Variants in SND1 observed in about 807,000 individuals in gnomAD.
SND1 encodes the protein staphylococcal nuclease domain-containing protein 1.
In SND1, 38 loss-of-function variants were observed where a neutral mutation model predicts 121.7. That is an observed-to-expected ratio of 0.31 (90% CI 0.24 to 0.41). The LOEUF (loss-of-function observed/expected upper bound fraction) is 0.41, where lower values mean the gene tolerates loss of function less well. SND1 is among the 10% of genes least tolerant of loss of function. SND1 has a pLI of 1.00. For missense variants in SND1, 868 were observed against 1,184.6 expected, an observed-to-expected ratio of 0.73 and a Z score of 3.92; for synonymous variants, 401 against 447.4, an observed-to-expected ratio of 0.90 and a Z score of 1.31.
intron 11 of SND1, 137 bp from the exon 12 acceptor site, chr7:127,844,182 CTTTTA>C (rs1799015310): frequency 1.2e-5 from 6 of 495,086 alleles, no homozygotes; most frequent in Non-Finnish European, 2.2e-5. Flanking sequence ...TCAGCTATTT[CTTTTA>C]ATTGGTTTTA....
intron 13 of SND1, among the ~76,000 whole-genome samples, chr7:127,903,118 G>A: frequency 6.6e-6 from 1 of 152,036 alleles, no homozygotes; most frequent in East Asian, 1.9e-4. Flanking sequence ...TCCTGACCTT[G>A]TGATCTACCT....
At chr7:127,709,893 G>A (rs910691221) in intron 9 of SND1, among the ~76,000 whole-genome samples, 15 of 152,052 alleles carry the variant, frequency 9.9e-5, no homozygotes, top group Non-Finnish European at 1.8e-4. Context: ...AAATTCTTTA[G>A]CATTCGTTTT....
intron 12 of SND1, chr7:127,857,736 A>G (rs1254843955): frequency 1.6e-6 from 1 of 612,826 alleles, no homozygotes; most frequent in African/African-American, 1.9e-5. Context: ...TTTATTGGGA[A>G]AGGGAAATTG....
Position 128,092,163 on chromosome 7 carries a change from TC to T in SND1, c.*107del. On this transcript the variant is annotated 3_prime_UTR_variant, in exon 24 of 24. Transcript: ENST00000354725. This position sits in a 1 kb window ranked among gnomAD's most constrained non-coding sequence, Gnocchi z 4.9. Reference sequence around the variant, plus strand: ...CCCCAGAGAGGGGTTGTAGATTGGGTCCAGCTTTGCTTCAGTGTGTGGAAAT... The same window carrying T: ...CCCCAGAGAGGGGTTGTAGATTGGGTCAGCTTTGCTTCAGTGTGTGGAAAT... 1 of 1,243,028 alleles carries T rather than the reference TC, an allele frequency of 8.0e-7. No individual in the cohort carries two copies. Among genetic ancestry groups the T allele is most frequent in the Non-Finnish European group, 1.2e-6 (1 of 859,382 alleles). 77.0% of individuals were successfully genotyped at this position (1,243,028 alleles called of 1,614,324 possible). A position where few individuals can be genotyped will look rare whatever the true frequency, so the allele number is the denominator to read the frequency against.
chr7:127,807,370 A>G, intron 10 of SND1, 114 bp from the exon 11 acceptor site: 1 of 745,390 alleles, frequency 1.3e-6, no homozygotes, highest in South Asian at 1.7e-5. Flanking sequence ...AACACATTTA[A>G]TATTTGCGAT....
At chr7:127,996,021 C>G in intron 16 of SND1, among the ~76,000 whole-genome samples, 1 of 152,094 alleles carries the variant, frequency 6.6e-6, no homozygotes, top group South Asian at 2.1e-4. Flanking sequence ...GCTGCCTTGA[C>G]CTATTTCCCT....
chr7:127,668,496 C>G (rs887003480), intron 1 of SND1, among the ~76,000 whole-genome samples: 3 of 152,182 alleles, frequency 2.0e-5, no homozygotes, highest in African/African-American at 7.2e-5. Context: ...CATGTCTGTC[C>G]TATTCACCAT....
At chr7:127,796,808 AT>A (rs1302429258) in intron 10 of SND1, among the ~76,000 whole-genome samples, 1 of 149,396 alleles carries the variant, frequency 6.7e-6, no homozygotes, top group Non-Finnish European at 1.5e-5. Flanking sequence ...CCCATTTCTG[AT>A]TTTTACAGTT....
chr7:127,839,751 T>C (rs1368212940), intron 11 of SND1, among the ~76,000 whole-genome samples: 1 of 152,214 alleles, frequency 6.6e-6, no homozygotes, highest in African/African-American at 2.4e-5. Flanking sequence ...GCTACCCTCT[T>C]ACCTTTGAGA....
intron 10 of SND1, among the ~76,000 whole-genome samples, chr7:127,782,014 A>G (rs376087147): frequency 1.3e-5 from 2 of 152,184 alleles, no homozygotes; most frequent in East Asian, 3.9e-4. Context: ...AGTGGTGACC[A>G]GTTTCTTGAT....
chr7:127,880,920 T>A (rs1307287645), intron 12 of SND1, among the ~76,000 whole-genome samples: 2 of 152,136 alleles, frequency 1.3e-5, no homozygotes, highest in African/African-American at 4.8e-5. Flanking sequence ...TTGACTAAGA[T>A]AGCTTCTTTC....
At chr7:127,671,084 G>A (rs1795507477) in intron 1 of SND1, among the ~76,000 whole-genome samples, 1 of 152,212 alleles carries the variant, frequency 6.6e-6, no homozygotes, top group African/African-American at 2.4e-5. Context: ...GAAGTTGCAT[G>A]TGCATGGAGA....
chr7:127,844,952 G>A (rs993539777), intron 12 of SND1, among the ~76,000 whole-genome samples: 2 of 152,176 alleles, frequency 1.3e-5, no homozygotes, highest in East Asian at 3.9e-4. Context: ...ATCTGATAGG[G>A]GAAGGAGGAA....
At chr7:127,871,716 A>T (rs1462403003) in intron 12 of SND1, among the ~76,000 whole-genome samples, 1 of 152,232 alleles carries the variant, frequency 6.6e-6, no homozygotes, top group Non-Finnish European at 1.5e-5. Flanking sequence ...CATTGAAATG[A>T]TAAACAATCT....
intron 16 of SND1, among the ~76,000 whole-genome samples, chr7:128,038,973 A>G (rs1670352978): frequency 2.6e-5 from 4 of 152,192 alleles, no homozygotes; most frequent in Admixed American, 6.5e-5. Flanking sequence ...TTTGAATAAC[A>G]ACCATACTGC....
In SND1 at chr7:127,909,843, T is replaced by G. The variant is rs192114473; in HGVS notation, c.1527+5024T>G. On this transcript the variant is annotated intron_variant, in intron 14 of 23. Coordinates refer to ENST00000354725, the MANE Select transcript of SND1 (RefSeq NM_014390.4). The stretch of plus-strand genomic sequence containing the variant: ...CCCTGTTATTCATGAAACGAAGTCT[T>G]ACAGAGTTGACCAGTAGGATTCTGA... 2.8e-3 allele frequency among the ~76,000 whole-genome samples: 433 copies of G among 152,324 alleles called. 3 individuals are homozygous for G. The highest frequency in any genetic ancestry group is 9.9e-3 in the African/African-American group (413 of 41,576).
At chr7:127,925,887 G>A (rs1431947023) in intron 14 of SND1, among the ~76,000 whole-genome samples, 1 of 151,318 alleles carries the variant, frequency 6.6e-6, no homozygotes, top group East Asian at 1.9e-4. Context: ...GAGCCATCGC[G>A]CCCGGCCAGG....
chr7:127,960,180 C>G (rs1449306296), intron 15 of SND1, among the ~76,000 whole-genome samples: 3 of 152,226 alleles, frequency 2.0e-5, no homozygotes, highest in African/African-American at 7.2e-5. Flanking sequence ...ATTATCATTG[C>G]TGTCACAGAC....
intron 10 of SND1, among the ~76,000 whole-genome samples, chr7:127,761,910 A>G (rs1283323087): frequency 6.6e-6 from 1 of 152,230 alleles, no homozygotes; most frequent in Non-Finnish European, 1.5e-5. Context: ...GTTTTTAAGC[A>G]TGCTCAAGAA....
Sources: allele counts gnomAD v4.1 joint callset (sites outside exome capture counted in the v4.1 genomes callset), GRCh38; gene constraint gnomAD v4.1.1; non-coding constraint Gnocchi (gnomAD v3.1); transcripts MANE v1.5; gene names NCBI Gene and HGNC (gene_info 2026-07-23, HGNC 2026-07-21).